The following NINJ1 variants were observed in gnomAD, a reference collection of about 807,000 sequenced individuals.
NINJ1 encodes ninjurin-1.
A neutral mutation model predicts 12.7 loss-of-function variants in NINJ1; 6 were observed. The ratio of observed to expected loss-of-function variants is 0.47; its 90% CI spans 0.26 to 0.93. NINJ1 has a LOEUF of 0.93. NINJ1 is among the 40% of genes least tolerant of loss of function. NINJ1 has a pLI of 0.15. For missense variants in NINJ1, 170 were observed against 213.0 expected (o/e 0.80, Z 1.26); for synonymous variants, 100 against 96.0 (o/e 1.04, Z -0.25).
chr9:93,123,801 G>A (rs949392418), intron 3 of NINJ1, among the ~76,000 whole-genome samples: 11 of 152,242 alleles, frequency 7.2e-5, no homozygotes, highest in African/African-American at 2.4e-4. Flanking sequence ...TGGCCTGGCT[G>A]CATGGACTGT....
At chr9:93,127,327 A>G (rs948571853) in intron 1 of NINJ1, among the ~76,000 whole-genome samples, 3 of 152,168 alleles carry the variant, frequency 2.0e-5, no homozygotes, top group Admixed American at 2.0e-4. Context: ...ATTACTTCCC[A>G]GAGTAATAAA....
intron 1 of NINJ1, chr9:93,131,492 G>A (rs146057153): frequency 6.6e-6 from 1 of 152,406 alleles, no homozygotes; most frequent in African/African-American, 2.4e-5. Flanking sequence ...TACCTCCAAG[G>A]ACCATGCCTC....
In NINJ1 at chr9:93,126,643, A is replaced by G. The variant is rs1827815029; in HGVS notation, c.76-5T>C. 20 of 1,489,688 alleles carry G rather than the reference A, an allele frequency of 1.3e-5. No individual in the cohort carries two copies. Among genetic ancestry groups the G allele is most frequent in the Non-Finnish European group, 1.6e-5 (17 of 1,094,232 alleles). The allele number at this position is 1,489,688 out of a possible 1,614,324, so 92.3% of individuals were successfully genotyped here. On this transcript the variant is annotated splice_region_variant and splice_polypyrimidine_tract_variant and intron_variant, in intron 1 of 3. Coordinates refer to ENST00000375446, the MANE Select transcript of NINJ1 (RefSeq NM_004148.4). The stretch of plus-strand genomic sequence containing the variant: ...CCTCCAGCCCCAGCGGGCCGGCTGC[A>G]GGGAGGGGAATGGTCAGCAAGGCGG...
At chr9:93,123,069 T>G (rs1827756986) in intron 3 of NINJ1, among the ~76,000 whole-genome samples, 1 of 152,184 alleles carries the variant, frequency 6.6e-6, no homozygotes, top group Non-Finnish European at 1.5e-5. Flanking sequence ...GAGGGTGACT[T>G]CAGGCTCCAC....
intron 1 of NINJ1, 87 bp downstream of exon 1, chr9:93,134,056 G>A: frequency 1.9e-6 from 2 of 1,060,616 alleles, no homozygotes; most frequent in East Asian, 3.1e-5. Flanking sequence ...CAGTGCGGAC[G>A]CGGCGCACAC....
At position 93,134,124 on chromosome 9, in the gene NINJ1, G is replaced by T. The variant is rs1252430193; in HGVS notation, c.75+19C>A. The T allele has an allele frequency of 3.2e-6, 5 of 1,539,264 alleles. No individual in the cohort carries two copies. The East Asian group carries it at 9.7e-5, about 30-fold the overall frequency. On this transcript the variant is annotated intron_variant, in intron 1 of 3. Transcript: ENST00000375446. ...ACAGGGCCTGGCAAGATCATGCAGC[G>T]GTGGGGGGAAGGTCTTACCGAGGCG... is the stretch of plus-strand genomic sequence containing the variant.
rs201941970 is a variant in NINJ1 at position 93,134,193 on chromosome 9, C to G, written c.25G>C (p.Glu9Gln). The G allele has an allele frequency of 8.6e-4, 1,326 of 1,536,472 alleles. 8 individuals carry two copies. The African/African-American group carries it at 0.013, about 16-fold the overall frequency. The change falls in exon 1 of 4, where the codon GAG (glutamate) becomes CAG (glutamine). Residue 9 changes from glutamate to glutamine, a missense_variant. By Grantham distance (29) the Glu-to-Gln change is conservative (BLOSUM62 2). Coordinates refer to ENST00000375446, the MANE Select transcript of NINJ1 (RefSeq NM_004148.4). Reference protein sequence around the residue: MDSGTEEYELNGGLPPGTP... With the variant: MDSGTEEYQLNGGLPPGTP... ...CCCGGAGGCAGGCCGCCGTTGAGCTCGTACTCCTCGGTTCCCGAGTCCATG... is the reference window on the plus strand; with the variant it reads ...CCCGGAGGCAGGCCGCCGTTGAGCTGGTACTCCTCGGTTCCCGAGTCCATG...
Position 93,126,416 on chromosome 9 carries a change from A to C in NINJ1, c.298T>G (p.Phe100Val), listed in dbSNP as rs1236240219. 3.1e-6 allele frequency: 5 copies of C among 1,612,720 alleles called. No homozygotes were observed. In the Admixed American group the frequency reaches 6.7e-5, roughly 22 times the overall value. The change falls in exon 2 of 4, where the codon TTC becomes GTC. Residue 100 changes from phenylalanine to valine, a missense_variant. Physicochemically the swap from Phe to Val is conservative, Grantham distance 50. Coordinates refer to ENST00000375446, the MANE Select transcript of NINJ1 (RefSeq NM_004148.4). ...LQIGVGVLLI[F>V]LVKYDLNNPA... Reference sequence around the variant, plus strand: ...CCCCCACCTGGGGACCTACCAAGGAAGATGAGCAGCACCCCCACGCCGATC... The same window carrying C: ...CCCCCACCTGGGGACCTACCAAGGACGATGAGCAGCACCCCCACGCCGATC...
intron 1 of NINJ1, 73 bp from the exon 2 acceptor site, chr9:93,126,711 G>T: frequency 8.2e-7 from 1 of 1,220,556 alleles, no homozygotes; most frequent in Non-Finnish European, 1.1e-6. Flanking sequence ...CGGGCTCTGG[G>T]GGTCACCGGG....
At chr9:93,124,521 C>T (rs577740145) in intron 3 of NINJ1, among the ~76,000 whole-genome samples, 35 of 151,928 alleles carry the variant, frequency 2.3e-4, no homozygotes, top group Non-Finnish European at 4.4e-4. Flanking sequence ...GTGATCTGCC[C>T]GCCTCAGCCT....
At chr9:93,132,465 GCCC>G (rs1365634375) in intron 1 of NINJ1, among the ~76,000 whole-genome samples, 2 of 152,078 alleles carry the variant, frequency 1.3e-5, no homozygotes, top group Non-Finnish European at 2.9e-5. Context: ...CTGCCTAGAT[GCCC>G]TTCCACACAT....
At chr9:93,129,329 G>A (rs1827857882) in intron 1 of NINJ1, among the ~76,000 whole-genome samples, 1 of 152,212 alleles carries the variant, frequency 6.6e-6, no homozygotes, top group Non-Finnish European at 1.5e-5. Context: ...GCTGTGTCCG[G>A]ACAACTAGCC....
At chr9:93,128,839 CAT>C (rs1027736465) in intron 1 of NINJ1, among the ~76,000 whole-genome samples, 1 of 151,128 alleles carries the variant, frequency 6.6e-6, no homozygotes, top group African/African-American at 2.5e-5. Flanking sequence ...GAAAGACACA[CAT>C]AGACGTGAGA....
intron 1 of NINJ1, among the ~76,000 whole-genome samples, chr9:93,126,981 C>G (rs1250006538): frequency 6.6e-6 from 1 of 152,110 alleles, no homozygotes; most frequent in Admixed American, 6.5e-5. Context: ...GGTCTGTGCC[C>G]CCGGCCTCCT....
At position 93,126,531 on chromosome 9, in the gene NINJ1, C is replaced by T. The variant is rs745548269; in HGVS notation, c.183G>A (p.Ala61=). 9.3e-6 allele frequency: 15 copies of T among 1,614,076 alleles called. 1 individual carries two copies. The highest frequency in any genetic ancestry group is 5.0e-5 in the Admixed American group (3 of 60,002). The change falls in exon 2 of 4, where the codon GCG becomes GCA. Residue 61 remains alanine (A), a synonymous_variant. Transcript: ENST00000375446. ...GTTCCACGACGGCCTTCAGCTGGGA[C>T]GCGTTGGCCATCAGCAGCGCGATGT... ...MLDIALLMAN[A]SQLKAVVEQG...
chr9:93,132,324 C>A (rs1827906732), intron 1 of NINJ1, among the ~76,000 whole-genome samples: 1 of 152,212 alleles, frequency 6.6e-6, no homozygotes, highest in African/African-American at 2.4e-5. Context: ...TTCCACAGCT[C>A]CCTGGACACC....
chr9:93,130,874 C>T (rs1348535677), intron 1 of NINJ1, among the ~76,000 whole-genome samples: 9 of 152,324 alleles, frequency 5.9e-5, no homozygotes, highest in Admixed American at 2.6e-4. Context: ...ACAACAGGGA[C>T]GAGGTGCCTG....
intron 2 of NINJ1, 34 bp downstream of exon 2, chr9:93,126,376 C>A: frequency 6.4e-7 from 1 of 1,572,108 alleles, no homozygotes. Context: ...GCAAGGTGAG[C>A]AGGTGGCCTG....
In NINJ1 at chr9:93,126,018, G is replaced by A. The variant is rs1055877229; in HGVS notation, c.304+392C>T. 1.4e-5 allele frequency: 3 copies of A among 208,476 alleles called. No individual in the cohort carries two copies. The South Asian group carries it at 2.5e-4, about 17-fold the overall frequency. The allele number at this position is 208,476 out of a possible 1,614,324, so 12.9% of individuals were successfully genotyped here. ...CAAAAATTCGACTGGGCAACATGGCGTAACCTCATCTCTACAAAAAATACA... is the reference window on the plus strand; with the variant it reads ...CAAAAATTCGACTGGGCAACATGGCATAACCTCATCTCTACAAAAAATACA... On this transcript the variant is annotated intron_variant, in intron 2 of 3. Coordinates refer to ENST00000375446, the MANE Select transcript of NINJ1 (RefSeq NM_004148.4).
Sources: gnomAD v4.1 joint callset for allele counts (sites outside exome capture counted in the v4.1 genomes callset) on GRCh38, gnomAD v4.1.1 for gene constraint, MANE v1.5 for transcripts, NCBI Gene and HGNC (gene_info 2026-07-23, HGNC 2026-07-21) for gene names.